Variants in CHID1 observed in about 807,000 individuals in gnomAD.
CHID1 encodes the protein chitinase domain containing 1, also known as chitinase domain-containing protein 1.
CHID1 carries 44 observed loss-of-function variants against 55.4 expected under a neutral mutation model. The observed-to-expected ratio is 0.79, with a 90% CI of 0.62 to 1.02. The LOEUF is 1.02. CHID1 is among the 50% of genes least tolerant of loss of function. The pLI, the probability that CHID1 is intolerant of heterozygous loss-of-function variation, is 0.00. For missense variants in CHID1, 491 were observed against 515.3 expected, an observed-to-expected ratio of 0.95 and a Z score of 0.46; for synonymous variants, 216 against 212.9, an observed-to-expected ratio of 1.01 and a Z score of -0.13.
chr11:887,597 T>G (rs1335852596), intron 8 of CHID1, among the ~76,000 whole-genome samples: 1 of 152,238 alleles, frequency 6.6e-6, no homozygotes, highest in Non-Finnish European at 1.5e-5. Flanking sequence ...CCTGTCCCTT[T>G]GGCTCCTACT....
intron 10 of CHID1, among the ~76,000 whole-genome samples, chr11:870,951 G>A (rs1001689683): frequency 6.6e-6 from 1 of 150,694 alleles, no homozygotes; most frequent in East Asian, 2.0e-4. Context: ...GCAGTGCCTT[G>A]TACTGGGGAT....
In CHID1 at chr11:883,208, T is replaced by C. The variant is rs2134175897; in HGVS notation, c.899A>G (p.Asn300Ser). Reference protein sequence around the residue: ...KWRSKILLGLNFYGMDYATSK... With the variant: ...KWRSKILLGLSFYGMDYATSK... Reference sequence around the variant, plus strand: ...GGTCGCGTAGTCCATACCATAGAAGTTGAGCCCCAGGAGGATTTTGCTTCG... The same window carrying C: ...GGTCGCGTAGTCCATACCATAGAAGCTGAGCCCCAGGAGGATTTTGCTTCG... The change falls in exon 10 of 13, where the codon AAC becomes AGC. Residue 300 changes from asparagine to serine, a missense_variant. Transcript: ENST00000323578. 1 of 1,614,102 alleles carries C rather than the reference T, an allele frequency of 6.2e-7. No individual in the cohort carries two copies. Among genetic ancestry groups the C allele is most frequent in the Non-Finnish European group, 8.5e-7 (1 of 1,179,996 alleles).
chr11:914,361 T>C, upstream of CHID1: 3 of 395,282 alleles, frequency 7.6e-6, no homozygotes, highest in South Asian at 6.1e-5. Flanking sequence ...TAGGCCCAGG[T>C]CTGACCTGCC....
intron 8 of CHID1, among the ~76,000 whole-genome samples, chr11:889,552 A>T (rs1850650536): frequency 6.6e-6 from 1 of 152,054 alleles, no homozygotes; most frequent in Non-Finnish European, 1.5e-5. Flanking sequence ...CCAGCAGGGG[A>T]GAGCCATAGT....
chr11:883,389 T>C, intron 9 of CHID1, 86 bp from the exon 10 acceptor site: 1 of 1,354,648 alleles, frequency 7.4e-7, no homozygotes, highest in South Asian at 1.3e-5. Flanking sequence ...GAGGGGTGCA[T>C]CCTCCCCATG....
chr11:890,784 A>C (rs2134229818), intron 8 of CHID1, among the ~76,000 whole-genome samples: 1 of 152,288 alleles, frequency 6.6e-6, no homozygotes, highest in Admixed American at 6.5e-5. Context: ...GGAGGTCCGC[A>C]GAGTGCTCAG....
upstream of CHID1, chr11:914,479 C>T (rs540543553): frequency 3.9e-6 from 5 of 1,266,818 alleles, no homozygotes; most frequent in Admixed American, 9.2e-5. Flanking sequence ...ATGAGTGTTT[C>T]TGCTGCTGAC....
rs58548115 is a variant in CHID1 at position 894,121 on chromosome 11, C to CA, written c.609-603dup. Among the ~76,000 whole-genome samples the CA allele has an allele frequency of 4.4e-3, 253 of 58,058 alleles. 19 individuals are homozygous for CA. The highest frequency in any genetic ancestry group is 0.013 in the African/African-American group (199 of 15,764). The allele number at this position is 58,058 out of a possible 152,430, so 38.1% of individuals were successfully genotyped here. On this transcript the variant is annotated intron_variant, in intron 7 of 12. Transcript: ENST00000323578. The stretch of plus-strand genomic sequence containing the variant: ...TGGGCTGAAGAGCATGACTCTGTCT[C>CA]AAAAAAAAAAAAAAAAAAAAAAAAA...
At position 904,863 on chromosome 11, in the gene CHID1, C is replaced by T. The variant is rs201233701; in HGVS notation, c.-43-4G>A. 1 of 1,612,216 alleles carries T rather than the reference C, an allele frequency of 6.2e-7. No individual in the cohort carries two copies. Among genetic ancestry groups the T allele is most frequent in the Admixed American group, 1.7e-5 (1 of 59,974 alleles). ...TCCAACCTCGGGGTCCAGAGGGCTG[C>T]AGGGAAAGCAGAGCACATTCAAACA... On this transcript the variant is annotated splice_polypyrimidine_tract_variant and splice_region_variant and intron_variant, in intron 1 of 12. Transcript: ENST00000323578.
chr11:883,814 G>A (rs561739257), intron 9 of CHID1, among the ~76,000 whole-genome samples: 6 of 152,256 alleles, frequency 3.9e-5, no homozygotes, highest in Non-Finnish European at 7.3e-5. Context: ...GGCAGCAGCA[G>A]GACTATGCCT....
chr11:888,035 G>A (rs1021735760), intron 8 of CHID1, among the ~76,000 whole-genome samples: 1 of 152,226 alleles, frequency 6.6e-6, no homozygotes, highest in Non-Finnish European at 1.5e-5. Flanking sequence ...GTCCTGCCAG[G>A]GGACATGGCT....
At chr11:894,336 G>A (rs1185663558) in intron 7 of CHID1, among the ~76,000 whole-genome samples, 1 of 152,096 alleles carries the variant, frequency 6.6e-6, no homozygotes, top group Non-Finnish European at 1.5e-5. Context: ...GGAGGGGGCA[G>A]GAGCATCTCA....
At chr11:873,623 A>G (rs933325209) in intron 10 of CHID1, among the ~76,000 whole-genome samples, 4 of 152,114 alleles carry the variant, frequency 2.6e-5, no homozygotes, top group African/African-American at 9.7e-5. Flanking sequence ...TAAGGACTCA[A>G]TGAACACGGA....
intron 6 of CHID1, 139 bp downstream of exon 6, chr11:899,865 G>A: frequency 1.6e-6 from 1 of 629,946 alleles, no homozygotes; most frequent in Non-Finnish European, 2.8e-6. Context: ...GCCTTCCCTG[G>A]AAGATGGGGG....
intron 10 of CHID1, chr11:882,360 T>C (rs1850024977): frequency 6.6e-6 from 1 of 152,152 alleles, no homozygotes; most frequent in Admixed American, 6.6e-5. Flanking sequence ...AAAGGTGTAT[T>C]CGTGAGCTGT....
chr11:913,119 G>C (rs1852785739), upstream of CHID1, among the ~76,000 whole-genome samples: 1 of 151,516 alleles, frequency 6.6e-6, no homozygotes, highest in Admixed American at 6.6e-5. Flanking sequence ...CCAATGCTTT[G>C]GGAGGCCAAG....
chr11:910,188 G>C (rs1168585896), intron 1 of CHID1, among the ~76,000 whole-genome samples: 1 of 152,086 alleles, frequency 6.6e-6, no homozygotes, highest in East Asian at 1.9e-4. Context: ...CTCCAGTTTG[G>C]ACAGTCAGCA....
upstream of CHID1, among the ~76,000 whole-genome samples, chr11:912,260 G>C (rs1383538465): frequency 1.3e-5 from 2 of 152,200 alleles, no homozygotes; most frequent in Non-Finnish European, 2.9e-5. Flanking sequence ...TGAAGTTGCA[G>C]TGAGCAGAGA....
intron 10 of CHID1, among the ~76,000 whole-genome samples, chr11:872,857 G>A (rs1029640828): frequency 2.6e-5 from 4 of 152,166 alleles, no homozygotes; most frequent in Non-Finnish European, 4.4e-5. Flanking sequence ...TCCTCCTCCT[G>A]GGGGGCCTCT....
Sources: allele counts gnomAD v4.1 joint callset (sites outside exome capture counted in the v4.1 genomes callset), GRCh38; gene constraint gnomAD v4.1.1; transcripts MANE v1.5; gene names NCBI Gene and HGNC (gene_info 2026-07-23, HGNC 2026-07-21).